EXOC2: variants seen among roughly 807,000 people sequenced by gnomAD.
The protein encoded by EXOC2 is SEC5-like 1.
EXOC2 carries 70 observed loss-of-function variants against 131.8 expected under a neutral mutation model. The ratio of observed to expected loss-of-function variants is 0.53; its 90% CI spans 0.44 to 0.65. The LOEUF is 0.65. EXOC2 is among the 30% of genes least tolerant of loss of function. The probability of loss-of-function intolerance (pLI) is 0.00; values close to 1 mark genes in which losing one functional copy is unlikely to be tolerated. For missense variants in EXOC2, 923 were observed against 1,108.6 expected (o/e 0.83, Z 2.38); for synonymous variants, 411 against 398.4 (o/e 1.03, Z -0.38).
At chr6:588,889 C>T (rs555888913) in intron 11 of EXOC2, among the ~76,000 whole-genome samples, 61 of 151,980 alleles carry the variant, frequency 4.0e-4, no homozygotes, top group African/African-American at 1.4e-3. Context: ...GGAAAGATGA[C>T]GGTGTGTTTC....
intron 1 of EXOC2, among the ~76,000 whole-genome samples, chr6:677,466 T>C (rs1210663199): frequency 1.3e-5 from 2 of 152,250 alleles, no homozygotes; most frequent in East Asian, 1.9e-4. Context: ...CAACTAGCCA[T>C]CAATCAACAG....
chr6:686,965 G>A (rs1700695295), intron 1 of EXOC2, among the ~76,000 whole-genome samples: 1 of 151,450 alleles, frequency 6.6e-6, no homozygotes, highest in South Asian at 2.1e-4. Flanking sequence ...TTTCATACAA[G>A]AGCACAGCAT....
rs6597054 is a variant in EXOC2, at chr6:485,620, C to T, written c.*1051G>A. The T allele has an allele frequency of 0.14, 21,545 of 152,242 alleles. 2,055 individuals are homozygous for T. The highest frequency in any genetic ancestry group is 0.26 in the African/African-American group (10,776 of 41,482). 9.4% of individuals were successfully genotyped at this position (152,242 alleles called of 1,614,324 possible). On this transcript the variant is annotated 3_prime_UTR_variant, in exon 28 of 28. Transcript: ENST00000230449. ...TGAGAGAAGTCCCGGTGACCTGAAC[C>T]TATTCCAGTGAAGCCAGTCAGCAGT...
intron 1 of EXOC2, among the ~76,000 whole-genome samples, chr6:666,336 G>C (rs1763642539): frequency 6.6e-6 from 1 of 152,164 alleles, no homozygotes; most frequent in Non-Finnish European, 1.5e-5. Flanking sequence ...ATATGTAAAG[G>C]CATCTTCACC....
At chr6:511,893 C>T (rs1043738861) in intron 23 of EXOC2, among the ~76,000 whole-genome samples, 2 of 152,254 alleles carry the variant, frequency 1.3e-5, no homozygotes, top group Non-Finnish European at 2.9e-5. Context: ...AATGATCACT[C>T]GCATCACTCC....
intron 23 of EXOC2, chr6:525,606 A>G (rs1765695165): frequency 6.6e-6 from 1 of 152,222 alleles, no homozygotes; most frequent in African/African-American, 2.4e-5. Flanking sequence ...TGCTGTCTCC[A>G]TGAAGTTTTT....
chr6:675,266 A>C (rs935013610), intron 1 of EXOC2, among the ~76,000 whole-genome samples: 1 of 152,240 alleles, frequency 6.6e-6, no homozygotes, highest in Non-Finnish European at 1.5e-5. Flanking sequence ...TCACCAAAAA[A>C]GAGACTCTCA....
intron 2 of EXOC2, among the ~76,000 whole-genome samples, chr6:634,684 CTTTG>C (rs1364886643): frequency 6.6e-6 from 1 of 152,110 alleles, no homozygotes; most frequent in African/African-American, 2.4e-5. Context: ...ATGTCTGCAA[CTTTG>C]TTTTTCTAAT....
At chr6:633,578 T>C (rs1178937727) in intron 2 of EXOC2, among the ~76,000 whole-genome samples, 1 of 152,258 alleles carries the variant, frequency 6.6e-6, no homozygotes, top group East Asian at 1.9e-4. Flanking sequence ...GTGCTTTTTC[T>C]AGTGTTCACT....
intron 23 of EXOC2, among the ~76,000 whole-genome samples, chr6:514,549 C>A (rs933635283): frequency 6.6e-6 from 1 of 152,214 alleles, no homozygotes; most frequent in African/African-American, 2.4e-5. Flanking sequence ...AATCCATGCG[C>A]TGCTCCCACT....
intron 17 of EXOC2, among the ~76,000 whole-genome samples, chr6:558,182 A>G (rs1266677399): frequency 1.3e-5 from 2 of 152,230 alleles, no homozygotes; most frequent in Non-Finnish European, 2.9e-5. Context: ...TTTTAAAAAG[A>G]CAAGTTTATT....
intron 1 of EXOC2, among the ~76,000 whole-genome samples, chr6:673,556 C>T (rs6927305): frequency 0.14 from 21,817 of 152,134 alleles, 1,738 homozygotes; most frequent in African/African-American, 0.21. Flanking sequence ...ACGTTTCTAA[C>T]AGTACAGATT....
At position 637,686 on chromosome 6, in the gene EXOC2, G is replaced by T; in HGVS notation, c.118+15C>A. ...ATCCGATTAGCAGGGTGCGTCGCAGGGCCTCTGCCCTTACCTATGAGGTCG... is the reference window on the plus strand; with the variant it reads ...ATCCGATTAGCAGGGTGCGTCGCAGTGCCTCTGCCCTTACCTATGAGGTCG... On this transcript the variant is annotated intron_variant, in intron 2 of 27. Coordinates refer to ENST00000230449, the MANE Select transcript of EXOC2 (RefSeq NM_018303.6). The T allele has an allele frequency of 6.3e-7, 1 of 1,586,052 alleles. No homozygotes were observed. The highest frequency in any genetic ancestry group is 8.6e-7 in the Non-Finnish European group (1 of 1,167,168).
chr6:685,847 T>C (rs1055604083), intron 1 of EXOC2, among the ~76,000 whole-genome samples: 1 of 148,746 alleles, frequency 6.7e-6, no homozygotes, highest in Non-Finnish European at 1.5e-5. Context: ...TAAGAAGTAA[T>C]GTATCCTGCT....
intron 27 of EXOC2, among the ~76,000 whole-genome samples, chr6:488,484 T>C (rs1422182421): frequency 6.6e-6 from 1 of 152,192 alleles, no homozygotes; most frequent in Non-Finnish European, 1.5e-5. Flanking sequence ...GAAATATATA[T>C]GTATATATAA....
intron 1 of EXOC2, among the ~76,000 whole-genome samples, chr6:687,168 A>ATTTT (rs1292769233): frequency 1.5e-4 from 6 of 40,700 alleles, no homozygotes; most frequent in Non-Finnish European, 1.7e-4. Context: ...ATCAAATAAT[A>ATTTT]TTCTTTTTTT....
intron 3 of EXOC2, among the ~76,000 whole-genome samples, 195 bp downstream of exon 3, chr6:632,746 T>C (rs1761916655): frequency 6.6e-6 from 1 of 152,230 alleles, no homozygotes; most frequent in South Asian, 2.1e-4. Context: ...TCACTGACTG[T>C]TACCTCAGCA....
intron 1 of EXOC2, among the ~76,000 whole-genome samples, chr6:676,128 GAGA>G (rs1562003211): frequency 0.13 from 10,441 of 78,016 alleles, 4,344 homozygotes; most frequent in East Asian, 0.4. Context: ...GGTTCCTCTG[GAGA>G]CTCTGAGGTT....
intron 16 of EXOC2, among the ~76,000 whole-genome samples, chr6:563,317 C>T (rs1757797351): frequency 6.6e-6 from 1 of 152,152 alleles, no homozygotes; most frequent in Non-Finnish European, 1.5e-5. Flanking sequence ...GGGGCAGGCT[C>T]AGGTTCCTAG....
Sources: gnomAD v4.1 joint callset for allele counts (sites outside exome capture counted in the v4.1 genomes callset) on GRCh38, gnomAD v4.1.1 for gene constraint, MANE v1.5 for transcripts, NCBI Gene and HGNC (gene_info 2026-07-23, HGNC 2026-07-21) for gene names.